Variants in LYPD6 observed in about 807,000 individuals in gnomAD.
LYPD6 encodes LY6/PLAUR domain containing 6, also known as ly6/PLAUR domain-containing protein 6.
LYPD6 carries 15 observed loss-of-function variants against 22.7 expected under a neutral mutation model. The observed-to-expected ratio is 0.66, with a 90% CI of 0.44 to 1.02. LYPD6 has a LOEUF of 1.02. Among genes scored for constraint, LYPD6 ranks in the 50% least tolerant of loss-of-function variants. The pLI is 0.00. For missense variants in LYPD6, 189 were observed against 208.4 expected (o/e 0.91, Z 0.57); for synonymous variants, 72 against 77.5 (o/e 0.93, Z 0.37).
rs201448203 is a variant in LYPD6, at chr2:149,419,460, A to G, written c.-71-18178A>G. Among the ~76,000 whole-genome samples the G allele has an allele frequency of 2.6e-5, 4 of 152,220 alleles. No individual in the cohort carries two copies. In the East Asian group the frequency reaches 7.7e-4, roughly 29 times the overall value. On this transcript the variant is annotated intron_variant, in intron 1 of 4. Transcript: ENST00000334166. The stretch of plus-strand genomic sequence containing the variant: ...CTGTAGCCACTGGCCACATGTGACT[A>G]TTTAACTTAAATTTCAATTAAATAC...
chr2:149,438,753 G>A (rs1683491341), intron 2 of LYPD6, among the ~76,000 whole-genome samples: 2 of 152,242 alleles, frequency 1.3e-5, no homozygotes, highest in Admixed American at 6.5e-5. Flanking sequence ...AATCCACGTG[G>A]TTGGAATATT....
Position 149,473,994 on chromosome 2 carries a change from G to A in LYPD6, c.*3144G>A, listed in dbSNP as rs1316394893. 3 of 152,138 alleles carry A rather than the reference G, an allele frequency of 2.0e-5. No individual in the cohort carries two copies. The highest frequency in any genetic ancestry group is 7.2e-5 in the African/African-American group (3 of 41,396). 9.4% of individuals were successfully genotyped at this position (152,138 alleles called of 1,614,324 possible). A position where few individuals can be genotyped will look rare whatever the true frequency, so the allele number is the denominator to read the frequency against. ...AAAATCGTATTCTATTTTGGGGGTT[G>A]TGTTAATGATGATGAACCAGAAAAG... is the stretch of plus-strand genomic sequence containing the variant. On this transcript the variant is annotated 3_prime_UTR_variant, in exon 5 of 5. Coordinates refer to ENST00000334166, the MANE Select transcript of LYPD6 (RefSeq NM_194317.5).
intron 1 of LYPD6, among the ~76,000 whole-genome samples, chr2:149,364,186 T>G (rs1681619166): frequency 6.6e-6 from 1 of 152,158 alleles, no homozygotes. Flanking sequence ...AGTGTTGAGT[T>G]GCAAATCCTG....
chr2:149,432,088 T>A (rs1683326410), intron 1 of LYPD6, among the ~76,000 whole-genome samples: 1 of 152,158 alleles, frequency 6.6e-6, no homozygotes. Flanking sequence ...ATGGCTATAA[T>A]TTTTTTAAAA....
rs118024338 is a variant in LYPD6, at chr2:149,423,442, C to G, written c.-71-14196C>G. On this transcript the variant is annotated intron_variant, in intron 1 of 4. Coordinates refer to ENST00000334166, the MANE Select transcript of LYPD6 (RefSeq NM_194317.5). ...GATGCAGATTTGGGGTAGATTTTAA[C>G]CACCCTGTACATTGCAAAATGAGAC... Among the ~76,000 whole-genome samples the G allele has an allele frequency of 4.5e-4, 69 of 152,184 alleles. No individual in the cohort carries two copies. The East Asian group carries it at 0.013, about 28-fold the overall frequency.
Position 149,433,095 on chromosome 2 carries a change from C to CT in LYPD6, c.-71-4535dup, listed in dbSNP as rs199850893. ...CACATAAACCTAGAAAAGACATACT[C>CT]TTTTTTTTCCAAAGAAGAAATGATT... On this transcript the variant is annotated intron_variant, in intron 1 of 4. Transcript: ENST00000334166. 1.2e-3 allele frequency among the ~76,000 whole-genome samples: 178 copies of CT among 152,052 alleles called. 1 individual carries two copies. The highest frequency in any genetic ancestry group is 3.3e-3 in the Admixed American group (51 of 15,246).
intron 1 of LYPD6, among the ~76,000 whole-genome samples, chr2:149,431,213 G>T (rs142004896): frequency 4.7e-4 from 71 of 152,296 alleles, no homozygotes; most frequent in Middle Eastern, 6.8e-3. Flanking sequence ...AAAGAGAACC[G>T]TATTCAGGGA....
intron 1 of LYPD6, among the ~76,000 whole-genome samples, chr2:149,372,373 G>T (rs570764782): frequency 6.6e-6 from 1 of 152,218 alleles, no homozygotes; most frequent in East Asian, 1.9e-4. Flanking sequence ...TTAAAGACTG[G>T]TCTCTTTGAC....
At chr2:149,355,783 G>T (rs886494111) in intron 1 of LYPD6, among the ~76,000 whole-genome samples, 4 of 152,080 alleles carry the variant, frequency 2.6e-5, no homozygotes, top group African/African-American at 4.8e-5. Flanking sequence ...CAAGTATGTA[G>T]AATCTTGTTT....
At chr2:149,411,485 T>C (rs1257729743) in intron 1 of LYPD6, among the ~76,000 whole-genome samples, 3 of 152,206 alleles carry the variant, frequency 2.0e-5, no homozygotes, top group Non-Finnish European at 4.4e-5. Context: ...TTTCCATGAA[T>C]TTTATTTGCT....
chr2:149,446,418 T>C (rs1030798881), intron 2 of LYPD6, among the ~76,000 whole-genome samples: 5 of 152,200 alleles, frequency 3.3e-5, no homozygotes, highest in Non-Finnish European at 7.3e-5. Flanking sequence ...CTAAAATGAA[T>C]GGTGATACAA....
chr2:149,356,848 A>T (rs1391826157), intron 1 of LYPD6, among the ~76,000 whole-genome samples: 1 of 152,114 alleles, frequency 6.6e-6, no homozygotes, highest in Non-Finnish European at 1.5e-5. Context: ...TTCTTTATGT[A>T]TGTATAACAT....
intron 2 of LYPD6, among the ~76,000 whole-genome samples, chr2:149,441,058 A>G (rs1012801698): frequency 1.1e-4 from 16 of 152,146 alleles, no homozygotes; most frequent in African/African-American, 3.9e-4. Flanking sequence ...GAACTATTTT[A>G]GAAGTTTGTG....
intron 1 of LYPD6, among the ~76,000 whole-genome samples, chr2:149,407,576 G>A (rs897155733): frequency 1.5e-4 from 23 of 152,010 alleles, no homozygotes; most frequent in African/African-American, 3.4e-4. Flanking sequence ...CTTGGCTTTC[G>A]GCTCCATCAG....
chr2:149,435,820 G>A (rs947534217), intron 1 of LYPD6, among the ~76,000 whole-genome samples: 2 of 152,122 alleles, frequency 1.3e-5, no homozygotes, highest in African/African-American at 4.8e-5. Context: ...AAATTAGCAA[G>A]GTTGGCATTA....
chr2:149,428,052 T>A (rs1683223949), intron 1 of LYPD6, among the ~76,000 whole-genome samples: 1 of 152,250 alleles, frequency 6.6e-6, no homozygotes, highest in South Asian at 2.1e-4. Context: ...TGGGTATGCA[T>A]GAATAACTTT....
rs1196668 is a variant in LYPD6, at chr2:149,473,734, T to C, written c.*2884T>C. Reference sequence around the variant, plus strand: ...CACAGGGAACTTCCTTCCAGAGGCTTGCTTTCTAGTTGTGTAGACAAGAAT... The same window carrying C: ...CACAGGGAACTTCCTTCCAGAGGCTCGCTTTCTAGTTGTGTAGACAAGAAT... On this transcript the variant is annotated 3_prime_UTR_variant, in exon 5 of 5. Coordinates refer to ENST00000334166, the MANE Select transcript of LYPD6 (RefSeq NM_194317.5). 137,194 of 152,220 alleles carry C rather than the reference T, an allele frequency of 0.9. 61,825 individuals carry two copies. The highest frequency in any genetic ancestry group is 1 in the East Asian group (5,143 of 5,168). 9.4% of individuals were successfully genotyped at this position (152,220 alleles called of 1,614,324 possible).
intron 1 of LYPD6, among the ~76,000 whole-genome samples, chr2:149,404,174 C>T (rs1682634303): frequency 6.6e-6 from 1 of 152,156 alleles, no homozygotes; most frequent in Non-Finnish European, 1.5e-5. Context: ...CGTGATGCCT[C>T]CAGCTTTGTT....
intron 1 of LYPD6, among the ~76,000 whole-genome samples, chr2:149,391,919 C>T (rs1019558013): frequency 2.6e-5 from 4 of 152,182 alleles, no homozygotes; most frequent in African/African-American, 9.6e-5. Flanking sequence ...CCATAGAAGT[C>T]GGTGCCTGAA....
Sources: allele counts gnomAD v4.1 joint callset (sites outside exome capture counted in the v4.1 genomes callset), GRCh38; gene constraint gnomAD v4.1.1; transcripts MANE v1.5; gene names NCBI Gene and HGNC (gene_info 2026-07-23, HGNC 2026-07-21).